Variants in GPR39 observed in about 807,000 individuals in gnomAD.
GPR39 encodes the protein zinc sensing receptor.
A neutral mutation model predicts 18.4 loss-of-function variants in GPR39; 23 were observed. The observed-to-expected ratio is 1.25, with a 90% CI of 0.90 to 1.77. The LOEUF (loss-of-function observed/expected upper bound fraction) is 1.77. Ranked by LOEUF, GPR39 falls within the 40% of genes most tolerant of loss-of-function variation. GPR39 has a pLI of 0.00. For missense variants in GPR39, 647 were observed against 602.4 expected (o/e 1.07, Z -0.78); for synonymous variants, 280 against 257.9 (o/e 1.09, Z -0.82).
At chr2:132,595,946 G>A (rs1680937333) in intron 1 of GPR39, among the ~76,000 whole-genome samples, 2 of 152,162 alleles carry the variant, frequency 1.3e-5, no homozygotes, top group African/African-American at 4.8e-5. Context: ...CTGCTGGTAA[G>A]AGCTCATGTC....
chr2:132,423,917 A>G (rs1680066041), intron 1 of GPR39, among the ~76,000 whole-genome samples: 2 of 152,208 alleles, frequency 1.3e-5, no homozygotes, highest in South Asian at 4.1e-4. Context: ...TCAGCTTGGA[A>G]TTGAGAAGCA....
chr2:132,586,495 C>A (rs1053717271), intron 1 of GPR39, among the ~76,000 whole-genome samples: 1 of 152,148 alleles, frequency 6.6e-6, no homozygotes, highest in Non-Finnish European at 1.5e-5. Context: ...GCTGGTGTCC[C>A]TGAGGATGTA....
intron 1 of GPR39, among the ~76,000 whole-genome samples, chr2:132,601,891 C>G (rs1047898120): frequency 6.6e-6 from 1 of 151,940 alleles, no homozygotes; most frequent in African/African-American, 2.4e-5. Flanking sequence ...CTACAAAACA[C>G]TGATGAAAGA....
chr2:132,532,321 A>G (rs1408648750), intron 1 of GPR39, among the ~76,000 whole-genome samples: 1 of 152,250 alleles, frequency 6.6e-6, no homozygotes, highest in African/African-American at 2.4e-5. Context: ...GGATAGACCA[A>G]CAACAGGCTC....
Position 132,590,260 on chromosome 2 carries a change from T to A in GPR39, c.857-54841T>A, listed in dbSNP as rs192606322. Among the ~76,000 whole-genome samples the A allele has an allele frequency of 1.4e-4, 22 of 152,176 alleles. No homozygotes were observed. The East Asian group carries it at 4.3e-3, about 29-fold the overall frequency. On this transcript the variant is annotated intron_variant, in intron 1 of 1. Coordinates refer to ENST00000329321, the MANE Select transcript of GPR39 (RefSeq NM_001508.3). ...GCTAGCAAGTTTGTTTCTTATCAAA[T>A]CAAGAAGAGAAATCTAAGGAATGAG...
intron 1 of GPR39, among the ~76,000 whole-genome samples, chr2:132,618,868 G>A (rs1681384886): frequency 6.6e-6 from 1 of 152,214 alleles, no homozygotes. Context: ...TGGGAGAGGG[G>A]CCAAGGGTGG....
chr2:132,595,328 G>A (rs1680919088), intron 1 of GPR39, among the ~76,000 whole-genome samples: 1 of 151,870 alleles, frequency 6.6e-6, no homozygotes, highest in African/African-American at 2.4e-5. Flanking sequence ...ATTAGGACTG[G>A]CCAGGTGGGC....
chr2:132,541,503 T>A lies in GPR39; in HGVS notation c.857-103598T>A, dbSNP rs147066588. 3.3e-4 allele frequency among the ~76,000 whole-genome samples: 51 copies of A among 152,300 alleles called. 1 individual carries two copies. The East Asian group carries it at 9.7e-3, about 29-fold the overall frequency. ...AAACACATTTTGGATATTTCACAGT[T>A]TTCTGTCATCCATACCGCTCTCTCC... On this transcript the variant is annotated intron_variant, in intron 1 of 1. Transcript: ENST00000329321.
At chr2:132,606,427 CAG>C (rs1681139162) in intron 1 of GPR39, among the ~76,000 whole-genome samples, 1 of 152,324 alleles carries the variant, frequency 6.6e-6, no homozygotes, top group African/African-American at 2.4e-5. Context: ...GGGTGTGCAA[CAG>C]GGGTGTGGCT....
chr2:132,521,534 G>A (rs559743898), intron 1 of GPR39, among the ~76,000 whole-genome samples: 10 of 152,246 alleles, frequency 6.6e-5, no homozygotes, highest in African/African-American at 9.6e-5. Context: ...GGGGGATCCC[G>A]CAGCTCCAGG....
At chr2:132,482,987 T>C (rs772158968) in intron 1 of GPR39, among the ~76,000 whole-genome samples, 3 of 152,164 alleles carry the variant, frequency 2.0e-5, no homozygotes, top group African/African-American at 4.8e-5. Context: ...GGCAATATAG[T>C]GTAGCAATGG....
intron 1 of GPR39, among the ~76,000 whole-genome samples, chr2:132,566,753 C>T (rs929643920): frequency 6.6e-6 from 1 of 152,230 alleles, no homozygotes; most frequent in African/African-American, 2.4e-5. Flanking sequence ...TCCGGCTTCA[C>T]GCACTGTGGT....
Position 132,437,321 on chromosome 2 carries a change from T to C in GPR39, c.856+19423T>C, listed in dbSNP as rs372596091. Among the ~76,000 whole-genome samples, 521 of 152,284 alleles carry C rather than the reference T, an allele frequency of 3.4e-3. 3 individuals carry two copies. The highest frequency in any genetic ancestry group is 0.012 in the African/African-American group (503 of 41,556). ...GCCAATCTGAAGCCAGTAAACTGAG[T>C]TTATGATCATGAGTAAGTCTGACAT... On this transcript the variant is annotated intron_variant, in intron 1 of 1. Transcript: ENST00000329321.
intron 1 of GPR39, among the ~76,000 whole-genome samples, chr2:132,558,200 T>C (rs977307606): frequency 1.3e-5 from 2 of 152,150 alleles, no homozygotes; most frequent in African/African-American, 4.8e-5. Context: ...AGCTCTGACA[T>C]TCTGTTAAGT....
intron 1 of GPR39, among the ~76,000 whole-genome samples, chr2:132,462,912 A>T (rs880841): frequency 0.037 from 5,605 of 152,300 alleles, 317 homozygotes; most frequent in African/African-American, 0.12. Flanking sequence ...TTTACTTATA[A>T]GTTTATAATA....
chr2:132,486,638 A>G (rs554560545), intron 1 of GPR39, among the ~76,000 whole-genome samples: 2 of 152,316 alleles, frequency 1.3e-5, no homozygotes, highest in Non-Finnish European at 2.9e-5. Context: ...GCTGGCTTTA[A>G]ACTTTTCTTC....
At chr2:132,562,126 A>G (rs1321216133) in intron 1 of GPR39, among the ~76,000 whole-genome samples, 3 of 152,074 alleles carry the variant, frequency 2.0e-5, no homozygotes, top group Admixed American at 6.6e-5. Context: ...CATTGCATTC[A>G]AATTTCTGAG....
intron 1 of GPR39, among the ~76,000 whole-genome samples, chr2:132,495,678 G>T (rs1210426313): frequency 1.3e-5 from 2 of 152,246 alleles, no homozygotes; most frequent in African/African-American, 4.8e-5. Flanking sequence ...CAAATTTCCT[G>T]CCAGGGAGCA....
chr2:132,628,067 C>T (rs566327159), intron 1 of GPR39, among the ~76,000 whole-genome samples: 1 of 152,288 alleles, frequency 6.6e-6, no homozygotes, highest in South Asian at 2.1e-4. Context: ...TGTTGGTTTC[C>T]TCTTTTCTCC....
Sources: gnomAD v4.1 joint callset for allele counts (sites outside exome capture counted in the v4.1 genomes callset) on GRCh38, gnomAD v4.1.1 for gene constraint, MANE v1.5 for transcripts, NCBI Gene and HGNC (gene_info 2026-07-23, HGNC 2026-07-21) for gene names.